ICE2: variants seen among roughly 807,000 people sequenced by gnomAD.
ICE2 encodes little elongation complex subunit 2.
A neutral mutation model predicts 105.4 loss-of-function variants in ICE2; 87 were observed. The observed-to-expected ratio is 0.83, with a 90% CI of 0.69 to 0.99. The LOEUF (loss-of-function observed/expected upper bound fraction) is 0.99, where lower values mean the gene tolerates loss of function less well. Ranked by LOEUF, ICE2 falls within the 50% of genes least tolerant of loss-of-function variation. ICE2 has a pLI of 0.00. For synonymous variants in ICE2, 399 were observed against 392.0 expected (o/e 1.02, Z -0.21); for missense variants, 1,323 against 1,146.7 (o/e 1.15, Z -2.22).
chr15:60,471,324 T>C (rs1379825518), intron 3 of ICE2, among the ~76,000 whole-genome samples: 1 of 152,244 alleles, frequency 6.6e-6, no homozygotes, highest in Non-Finnish European at 1.5e-5. Flanking sequence ...GAACATTAAC[T>C]GCTGATCTTG....
At chr15:60,459,379 A>G (rs886126813) in intron 5 of ICE2, among the ~76,000 whole-genome samples, 4 of 152,242 alleles carry the variant, frequency 2.6e-5, no homozygotes, top group Non-Finnish European at 5.9e-5. Flanking sequence ...TGTCGTGGAA[A>G]AAAGGTAACT....
At chr15:60,445,440 G>T (rs1017751752) in intron 11 of ICE2, 2 of 321,876 alleles carry the variant, frequency 6.2e-6, no homozygotes, top group Non-Finnish European at 8.9e-6. Flanking sequence ...TAATTCCAAG[G>T]GGCATACATT....
intron 13 of ICE2, 138 bp from the exon 14 acceptor site, chr15:60,432,122 A>C (rs2063473598): frequency 5.2e-6 from 2 of 382,210 alleles, no homozygotes; most frequent in South Asian, 5.2e-5. Context: ...AAAAAATCTG[A>C]AACTTATTTC....
intron 13 of ICE2, among the ~76,000 whole-genome samples, chr15:60,433,266 T>G (rs994468699): frequency 2.0e-5 from 3 of 151,432 alleles, no homozygotes; most frequent in African/African-American, 7.3e-5. Context: ...TTTTTGTAAT[T>G]TTAGTAGAGA....
rs556135361 is a variant in ICE2 at position 60,452,028 on chromosome 15, T to G, written c.1125+1575A>C. On this transcript the variant is annotated intron_variant, in intron 9 of 15. Transcript: ENST00000261520. ...GTCATCAATAAAAGGAGGGTCCAAA[T>G]TACCTGGTCTACCATTACTGAAAGA... The G allele has an allele frequency of 4.3e-6, 4 of 935,150 alleles. No individual in the cohort carries two copies. The South Asian group carries it at 1.5e-4, about 34-fold the overall frequency. 57.9% of individuals were successfully genotyped at this position (935,150 alleles called of 1,614,324 possible).
Position 60,421,436 on chromosome 15 carries a change from T to C in ICE2, c.*2198A>G, listed in dbSNP as rs2063241830. The C allele has an allele frequency of 6.6e-6, 1 of 152,136 alleles. No homozygotes were observed. 9.4% of individuals were successfully genotyped at this position (152,136 alleles called of 1,614,324 possible). ...AAATCAAGAAAAAGAACATAAAGCATATCAAATGTATGTTAAAAAAGGAGG... is the reference window on the plus strand; with the variant it reads ...AAATCAAGAAAAAGAACATAAAGCACATCAAATGTATGTTAAAAAAGGAGG... On this transcript the variant is annotated 3_prime_UTR_variant, in exon 16 of 16. Transcript: ENST00000261520.
intron 14 of ICE2, among the ~76,000 whole-genome samples, chr15:60,429,607 T>A (rs2063411388): frequency 6.6e-6 from 1 of 152,194 alleles, no homozygotes. Flanking sequence ...AAGGAGAACA[T>A]CGGTTCTTTA....
intron 9 of ICE2, chr15:60,452,238 A>G: frequency 1.1e-6 from 1 of 932,708 alleles, no homozygotes; most frequent in African/African-American, 1.8e-5. Flanking sequence ...GGCAAAGAGA[A>G]AAACATAAAC....
chr15:60,452,735 C>T, intron 9 of ICE2: 1 of 353,566 alleles, frequency 2.8e-6, no homozygotes, highest in Non-Finnish European at 4.0e-6. Flanking sequence ...TTTATATGTA[C>T]AAATTCATTT....
intron 3 of ICE2, among the ~76,000 whole-genome samples, chr15:60,475,167 T>C (rs1388117874): frequency 1.3e-5 from 2 of 152,192 alleles, no homozygotes; most frequent in East Asian, 3.8e-4. Context: ...ATTTGGTGTA[T>C]TTATACATTT....
Position 60,451,386 on chromosome 15 carries a change from TAA to T in ICE2, c.1126-1547_1126-1546del, listed in dbSNP as rs894496945. ...CAATATAGACCAAAGCAGAATCTGA[TAA>T]AGTCTTATTCTATGTTCAGAAGGAA... On this transcript the variant is annotated intron_variant, in intron 9 of 15. Coordinates refer to ENST00000261520, the MANE Select transcript of ICE2 (RefSeq NM_024611.6). The T allele has an allele frequency of 4.1e-5, 39 of 943,582 alleles. No homozygotes were observed. In the African/African-American group the frequency reaches 5.1e-4, roughly 12 times the overall value. 58.5% of individuals were successfully genotyped at this position (943,582 alleles called of 1,614,324 possible). A position where few individuals can be genotyped will look rare whatever the true frequency, so the allele number is the denominator to read the frequency against.
chr15:60,467,037 G>C (rs1021058709), intron 4 of ICE2, among the ~76,000 whole-genome samples: 2 of 152,008 alleles, frequency 1.3e-5, no homozygotes, highest in Non-Finnish European at 2.9e-5. Flanking sequence ...GCCCAGGCTG[G>C]AGTGCAGTGG....
At chr15:60,452,125 A>T (rs2063981178) in intron 9 of ICE2, 2 of 985,086 alleles carry the variant, frequency 2.0e-6, no homozygotes, top group African/African-American at 3.5e-5. Flanking sequence ...ATTCACCTCA[A>T]TATAAGTTTT....
chr15:60,462,419 C>T (rs768417343), intron 5 of ICE2, among the ~76,000 whole-genome samples: 30 of 152,080 alleles, frequency 2.0e-4, no homozygotes, highest in Non-Finnish European at 3.8e-4. Context: ...TAAGTGTTCT[C>T]ACAACAAAAA....
intron 5 of ICE2, among the ~76,000 whole-genome samples, chr15:60,459,749 G>A (rs1427515715): frequency 6.6e-6 from 1 of 152,090 alleles, no homozygotes; most frequent in South Asian, 2.1e-4. Context: ...TGTTTGGGAG[G>A]CTAGTTGATA....
intron 13 of ICE2, among the ~76,000 whole-genome samples, chr15:60,435,024 C>G (rs1248908968): frequency 6.6e-6 from 1 of 152,184 alleles, no homozygotes; most frequent in Non-Finnish European, 1.5e-5. Flanking sequence ...TGGCTCACGC[C>G]TGTAATCTCA....
At chr15:60,467,954 C>A in intron 4 of ICE2, 107 bp downstream of exon 4, 3 of 1,057,128 alleles carry the variant, frequency 2.8e-6, no homozygotes, top group Non-Finnish European at 3.9e-6. Flanking sequence ...TTACGTTTTC[C>A]ATTTTAAAAA....
In ICE2 at chr15:60,473,568, C is replaced by T. The variant is rs1030779697; in HGVS notation, c.146+2495G>A. Among the ~76,000 whole-genome samples, 27 of 151,960 alleles carry T rather than the reference C, an allele frequency of 1.8e-4. 1 individual carries two copies. The highest frequency in any genetic ancestry group is 5.9e-5 in the Non-Finnish European group (4 of 67,990). ...CTGGCCTCCTAAAGGGCTGGTATTA[C>T]AGGTGTGAGCCACCTACGCCTGACC... On this transcript the variant is annotated intron_variant, in intron 3 of 15. Transcript: ENST00000261520.
chr15:60,428,448 T>C lies in ICE2; in HGVS notation c.2801A>G (p.Asp934Gly), dbSNP rs375398086. Reference protein sequence around the residue: ...IPCTFPPKSLDTTTQQKIGGT... With the variant: ...IPCTFPPKSLGTTTQQKIGGT... ...TCTTACCTTTTGTTGTGTTGTGGTA[T>C]CCAGTGATTTCGGTGGAAAAGTACA... Residue 934 changes from aspartate to glycine, a missense_variant, in exon 15 of 16, where the codon GAT becomes GGT. Physicochemically the swap from Asp to Gly is moderately conservative, Grantham distance 94. Coordinates refer to ENST00000261520, the MANE Select transcript of ICE2 (RefSeq NM_024611.6). The C allele has an allele frequency of 1.4e-5, 22 of 1,612,764 alleles. No homozygotes were observed. The Middle Eastern group carries it at 4.9e-4, about 36-fold the overall frequency.
Sources: allele counts gnomAD v4.1 joint callset (sites outside exome capture counted in the v4.1 genomes callset), GRCh38; gene constraint gnomAD v4.1.1; transcripts MANE v1.5; gene names NCBI Gene and HGNC (gene_info 2026-07-23, HGNC 2026-07-21).